Variants in ZNF117 observed in about 807,000 individuals in gnomAD.
ZNF117 encodes the protein zinc finger protein 117.
In ZNF117, 37 loss-of-function variants were observed where a neutral mutation model predicts 41.2. The ratio of observed to expected loss-of-function variants is 0.90; its 90% CI spans 0.69 to 1.18. The LOEUF (loss-of-function observed/expected upper bound fraction) is 1.18, where lower values mean the gene tolerates loss of function less well. ZNF117 is among the 50% of genes most tolerant of loss of function. ZNF117 has a pLI of 0.00. For synonymous variants in ZNF117, 186 were observed against 186.6 expected, an observed-to-expected ratio of 1.00 and a Z score of 0.02; for missense variants, 546 against 557.5, an observed-to-expected ratio of 0.98 and a Z score of 0.21.
chr7:64,972,256 T>C (rs1022291933), downstream of ZNF117: 3 of 150,318 alleles, frequency 2.0e-5, no homozygotes, highest in African/African-American at 7.3e-5. Flanking sequence ...AAAACAAAAA[T>C]TTGTCAAAAA....
chr7:64,975,544 T>C (rs1785866381), exon 3 of ZNF117: 1 of 151,150 alleles, frequency 6.6e-6, no homozygotes, highest in Non-Finnish European at 1.5e-5. Context: ...GTCTCATATC[T>C]TTGATGAAGC....
At chr7:64,980,909 T>C (rs80292090) in intron 2 of ZNF117, 4,237 of 164,588 alleles carry the variant, frequency 0.026, 194 homozygotes, top group African/African-American at 0.097. Flanking sequence ...GCCTTACATA[T>C]GTAACTATAT....
chr7:64,977,943 G>A, exon 3 of ZNF117: 1 of 1,221,700 alleles, frequency 8.2e-7, no homozygotes, highest in South Asian at 1.2e-5. Context: ...TGTAGAAAGG[G>A]TTGAAGATTG....
At chr7:64,977,745 C>A in exon 3 of ZNF117, 1 of 883,442 alleles carries the variant, frequency 1.1e-6, no homozygotes, top group Non-Finnish European at 1.8e-6. Context: ...TGGTTTCTCT[C>A]CAGTATGAAT....
Position 64,977,971 on chromosome 7 carries a change from A to T in ZNF117, c.*148T>A, listed in dbSNP as rs1027594248. 4 of 1,256,330 alleles carry T rather than the reference A, an allele frequency of 3.2e-6. No individual in the cohort carries two copies. In the East Asian group the frequency reaches 9.5e-5, roughly 30 times the overall value. 77.8% of individuals were successfully genotyped at this position (1,256,330 alleles called of 1,614,324 possible). ...GAAGATTGGTTAAAAGCTTTGTCAC[A>T]TTCATCACATTTGTGTAACTTCTCT... On this transcript the variant is annotated 3_prime_UTR_variant, in exon 3 of 3. Transcript: ENST00000620222.
At chr7:64,983,215 G>A (rs947615342), upstream of ZNF117, among the ~76,000 whole-genome samples, 3 of 152,134 alleles carry the variant, frequency 2.0e-5, no homozygotes, top group Non-Finnish European at 4.4e-5. Context: ...GTACCTCAAC[G>A]TTACATGTTC....
upstream of ZNF117, among the ~76,000 whole-genome samples, chr7:64,985,930 A>G (rs1786123904): frequency 7.2e-6 from 1 of 139,664 alleles, no homozygotes; most frequent in Non-Finnish European, 1.5e-5. Flanking sequence ...CAGCCTGGGC[A>G]ACCAGGTGAG....
At chr7:64,980,770 T>G (rs1033655843) in intron 2 of ZNF117, 1 of 152,274 alleles carries the variant, frequency 6.6e-6, no homozygotes, top group Non-Finnish European at 1.5e-5. Flanking sequence ...CTGTGTGACA[T>G]TGTCCAAGTC....
At chr7:64,980,365 A>T (rs1786000126) in intron 2 of ZNF117, 1 of 152,026 alleles carries the variant, frequency 6.6e-6, no homozygotes, top group East Asian at 1.9e-4. Flanking sequence ...ATTTTCAGAA[A>T]GCAACCATTA....
upstream of ZNF117, among the ~76,000 whole-genome samples, chr7:64,986,829 GA>G (rs1378358784): frequency 6.6e-6 from 1 of 152,062 alleles, no homozygotes; most frequent in Non-Finnish European, 1.5e-5. Flanking sequence ...TTTATATTTA[GA>G]TTCTGACAGA....
intron 2 of ZNF117, chr7:64,979,820 C>T (rs539120967): frequency 4.5e-6 from 1 of 224,712 alleles, no homozygotes; most frequent in South Asian, 1.6e-4. Context: ...TTACCCAACA[C>T]AGCTCTTTCT....
chr7:64,980,328 C>A (rs1785999504), intron 2 of ZNF117: 1 of 151,758 alleles, frequency 6.6e-6, no homozygotes, highest in African/African-American at 2.4e-5. Flanking sequence ...AATTTTAGGG[C>A]AACATAGCTC....
exon 3 of ZNF117, chr7:64,975,641 A>T (rs745985367): frequency 1.4e-4 from 21 of 152,296 alleles, no homozygotes; most frequent in African/African-American, 3.8e-4. Context: ...TTCACTTTTT[A>T]AAAATTTTGT....
At chr7:64,990,733 A>G (rs1312388191) in exon 1 of ZNF117, 3 of 152,782 alleles carry the variant, frequency 2.0e-5, no homozygotes, top group Non-Finnish European at 4.4e-5. Flanking sequence ...AATTTCAAAC[A>G]GGGAAACTGA....
chr7:64,978,874 C>T (rs1785960245), exon 3 of ZNF117: 1 of 1,613,244 alleles, frequency 6.2e-7, no homozygotes, highest in Non-Finnish European at 8.5e-7. Context: ...AGCTTTGAGG[C>T]TTGGTTAAAA....
intron 2 of ZNF117, chr7:64,980,928 T>C (rs1389767604): frequency 5.8e-6 from 1 of 171,172 alleles, no homozygotes; most frequent in Non-Finnish European, 1.2e-5. Context: ...ATTTCAAAGC[T>C]ATAGTAGTAA....
chr7:64,976,246 A>C (rs1198601784), exon 3 of ZNF117: 2 of 152,438 alleles, frequency 1.3e-5, no homozygotes, highest in Non-Finnish European at 2.9e-5. Context: ...GTTCAAGATC[A>C]GCCTGGCCAA....
chr7:64,979,594 T>C (rs1306940574), intron 2 of ZNF117, 58 bp from the exon 4 acceptor site: 4 of 1,307,150 alleles, frequency 3.1e-6, no homozygotes, highest in Non-Finnish European at 4.0e-6. Flanking sequence ...GAATATACTT[T>C]ACAAATCTAA....
chr7:64,988,689 A>G (rs529012025), intron 1 of ZNF117, among the ~76,000 whole-genome samples: 75 of 152,312 alleles, frequency 4.9e-4, no homozygotes, highest in African/African-American at 1.8e-3. Flanking sequence ...AATTCTATAT[A>G]TAGAAAACCC....
Sources: gnomAD v4.1 joint callset for allele counts (sites outside exome capture counted in the v4.1 genomes callset) on GRCh38, gnomAD v4.1.1 for gene constraint, MANE v1.5 for transcripts, NCBI Gene and HGNC (gene_info 2026-07-23, HGNC 2026-07-21) for gene names.